Variants in CAB39L observed in about 807,000 individuals in gnomAD.
The protein encoded by CAB39L is calcium binding protein 39 like.
In CAB39L, 23 loss-of-function variants were observed where a neutral mutation model predicts 39.1. The ratio of observed to expected loss-of-function variants is 0.59; its 90% CI spans 0.42 to 0.83. The LOEUF is 0.83. Ranked by LOEUF, CAB39L falls within the 40% of genes least tolerant of loss-of-function variation. CAB39L has a pLI of 0.00. For missense variants in CAB39L, 366 were observed against 391.9 expected, an observed-to-expected ratio of 0.93 and a Z score of 0.56; for synonymous variants, 126 against 137.2, an observed-to-expected ratio of 0.92 and a Z score of 0.57.
chr13:49,310,841 G>C lies in CAB39L; in HGVS notation c.987C>G (p.Ile329Met), dbSNP rs774066420. 1.5e-4 allele frequency: 241 copies of C among 1,613,982 alleles called. No individual in the cohort carries two copies. The highest frequency in any genetic ancestry group is 2.0e-4 in the Non-Finnish European group (238 of 1,180,032). Residue 329 changes from isoleucine to methionine, a missense_variant, in exon 11 of 11, where the codon ATC (isoleucine) becomes ATG (methionine). Ile to Met is a conservative substitution (Grantham distance 10). Coordinates refer to ENST00000409308, the MANE Select transcript of CAB39L (RefSeq NM_001079670.3). ...AAGGGGCCGTTTTCTTCAAGTCTCG[G>C]ATCTGTTTAATCAAGTAGTTCTTCT... The part of the protein sequence containing the change: ...ADEKNYLIKQ[I>M]RDLKKTAP
At chr13:49,380,415 TA>T (rs11313519) in intron 4 of CAB39L, among the ~76,000 whole-genome samples, 81,079 of 151,732 alleles carry the variant, frequency 0.53, 22,929 homozygotes, top group African/African-American at 0.7. Flanking sequence ...CTATGAAACT[TA>T]AAAAAAACTC....
intron 9 of CAB39L, among the ~76,000 whole-genome samples, chr13:49,333,560 C>A (rs115437719): frequency 0.014 from 1,972 of 138,284 alleles, 33 homozygotes; most frequent in African/African-American, 0.04. Context: ...ACATTTCTTT[C>A]TTTCTTTCTT....
intron 1 of CAB39L, among the ~76,000 whole-genome samples, chr13:49,438,131 C>G (rs1004019564): frequency 1.3e-5 from 2 of 152,144 alleles, no homozygotes; most frequent in African/African-American, 4.8e-5. Context: ...GCCACCGTGT[C>G]CAGCTGGTAT....
intron 6 of CAB39L, among the ~76,000 whole-genome samples, chr13:49,359,110 C>A (rs1955561653): frequency 6.6e-6 from 1 of 152,114 alleles, no homozygotes; most frequent in African/African-American, 2.4e-5. Context: ...GGTCTGCTGT[C>A]CTCAAGCTTT....
At chr13:49,331,319 A>G (rs1954687342) in intron 10 of CAB39L, among the ~76,000 whole-genome samples, 1 of 152,016 alleles carries the variant, frequency 6.6e-6, no homozygotes, top group Admixed American at 6.5e-5. Context: ...AAAAAAAATT[A>G]GCCAGGAGTG....
intron 9 of CAB39L, among the ~76,000 whole-genome samples, chr13:49,333,541 T>C (rs1352393706): frequency 6.6e-6 from 1 of 150,722 alleles, no homozygotes; most frequent in Non-Finnish European, 1.5e-5. Flanking sequence ...TTTCCTAAAC[T>C]CTAGACCCAC....
intron 3 of CAB39L, among the ~76,000 whole-genome samples, chr13:49,403,948 T>C (rs892037271): frequency 6.6e-6 from 1 of 152,168 alleles, no homozygotes; most frequent in Non-Finnish European, 1.5e-5. Flanking sequence ...GAACAGAGAA[T>C]CCCTGAACTA....
At position 49,310,992 on chromosome 13, in the gene CAB39L, A is replaced by T; in HGVS notation, c.836T>A (p.Val279Glu). ...TGTTTTGTGAGGACTGGCCACAAAC[A>T]CCTGAAACAAAAAGAAACAAATACT... The part of the protein sequence containing the change: ...IQFEAFHVFK[V>E]FVASPHKTQP... The change falls in exon 11 of 11, where the codon GTG becomes GAG. Residue 279 changes from valine (V) to glutamate (E), a missense_variant and splice_region_variant. Coordinates refer to ENST00000409308, the MANE Select transcript of CAB39L (RefSeq NM_001079670.3). The T allele has an allele frequency of 6.2e-7, 1 of 1,612,518 alleles. No individual in the cohort carries two copies. The highest frequency in any genetic ancestry group is 1.1e-5 in the South Asian group (1 of 91,038).
At chr13:49,420,782 T>C (rs982288691) in intron 3 of CAB39L, among the ~76,000 whole-genome samples, 4 of 152,230 alleles carry the variant, frequency 2.6e-5, no homozygotes, top group Admixed American at 6.5e-5. Flanking sequence ...AGTATTACTG[T>C]TGGAATTACG....
At position 49,406,662 on chromosome 13, in the gene CAB39L, T is replaced by C. The variant is rs368437340; in HGVS notation, c.-31-23721A>G. 3.7e-4 allele frequency among the ~76,000 whole-genome samples: 57 copies of C among 152,228 alleles called. 6 individuals carry two copies. Among genetic ancestry groups the C allele is most frequent in the Admixed American group, 2.6e-3 (40 of 15,304 alleles). On this transcript the variant is annotated intron_variant, in intron 3 of 10. Coordinates refer to ENST00000409308, the MANE Select transcript of CAB39L (RefSeq NM_001079670.3). Reference sequence around the variant, plus strand: ...GAAAATTAAAAAGACAACACCTTAATTGAAAAAAAAGTCACTCCAAAAAAA... The same window carrying C: ...GAAAATTAAAAAGACAACACCTTAACTGAAAAAAAAGTCACTCCAAAAAAA...
At chr13:49,430,981 A>G (rs998660275) in intron 3 of CAB39L, among the ~76,000 whole-genome samples, 3 of 152,172 alleles carry the variant, frequency 2.0e-5, no homozygotes, top group African/African-American at 7.2e-5. Flanking sequence ...CACTGTTTCT[A>G]TTTTCTGGCT....
chr13:49,311,131 A>T (rs1239201994), intron 10 of CAB39L, 138 bp from the exon 11 acceptor site: 1 of 698,672 alleles, frequency 1.4e-6, no homozygotes, highest in Non-Finnish European at 2.4e-6. Context: ...GAAGCCCCTG[A>T]CTCTAATTCT....
chr13:49,442,770 G>T, intron 1 of CAB39L, among the ~76,000 whole-genome samples: 1 of 118,726 alleles, frequency 8.4e-6, no homozygotes, highest in Non-Finnish European at 1.6e-5. Context: ...CAGCATAGGC[G>T]ACAAGAGACT....
chr13:49,370,780 T>C (rs1955897448), intron 5 of CAB39L, among the ~76,000 whole-genome samples: 1 of 152,334 alleles, frequency 6.6e-6, no homozygotes, highest in Admixed American at 6.5e-5. Context: ...ATTAACAGGT[T>C]TCACATCTAA....
In CAB39L at chr13:49,339,659, A is replaced by T; in HGVS notation, c.690+18T>A. On this transcript the variant is annotated intron_variant, in intron 9 of 10. Coordinates refer to ENST00000409308, the MANE Select transcript of CAB39L (RefSeq NM_001079670.3). ...TATAAACTTACGGGGACACTGACTT[A>T]AAGAAATTTGATATTACCTTTAAAG... is the stretch of plus-strand genomic sequence containing the variant. 1 of 1,559,416 alleles carries T rather than the reference A, an allele frequency of 6.4e-7. No homozygotes were observed.
intron 1 of CAB39L, among the ~76,000 whole-genome samples, chr13:49,442,523 G>T (rs990745481): frequency 2.6e-5 from 4 of 152,084 alleles, no homozygotes; most frequent in African/African-American, 9.7e-5. Flanking sequence ...CAGGTGCCGT[G>T]GCTCACACCT....
chr13:49,389,888 T>C (rs533558114), intron 3 of CAB39L, among the ~76,000 whole-genome samples: 2 of 152,250 alleles, frequency 1.3e-5, no homozygotes, highest in South Asian at 4.1e-4. Context: ...AGTTGTGTAA[T>C]AACCGCTTGC....
chr13:49,387,412 G>A (rs1485966505), intron 3 of CAB39L, among the ~76,000 whole-genome samples: 3 of 152,106 alleles, frequency 2.0e-5, no homozygotes, highest in Non-Finnish European at 4.4e-5. Flanking sequence ...AGGAAAAGAC[G>A]CATGTTAGTC....
chr13:49,358,131 C>G (rs1256194780), intron 6 of CAB39L, among the ~76,000 whole-genome samples: 1 of 152,138 alleles, frequency 6.6e-6, no homozygotes, highest in Non-Finnish European at 1.5e-5. Flanking sequence ...ACTTTGGGGT[C>G]TATGTGTTAT....
Sources: gnomAD v4.1 joint callset for allele counts (sites outside exome capture counted in the v4.1 genomes callset) on GRCh38, gnomAD v4.1.1 for gene constraint, MANE v1.5 for transcripts, NCBI Gene and HGNC (gene_info 2026-07-23, HGNC 2026-07-21) for gene names.